The following NRXN3 variants were observed in gnomAD, a reference collection of about 807,000 sequenced individuals.
NRXN3 encodes neurexin III.
A neutral mutation model predicts 137.6 loss-of-function variants in NRXN3; 32 were observed. The ratio of observed to expected loss-of-function variants is 0.23; its 90% confidence interval spans 0.18 to 0.31. The LOEUF is 0.31. NRXN3 is among the 10% of genes least tolerant of loss of function. The pLI is 1.00. For missense variants in NRXN3, 1,574 were observed against 2,062.5 expected (o/e 0.76, Z 4.59); for synonymous variants, 798 against 784.5 (o/e 1.02, Z -0.29).
intron 15 of NRXN3, among the ~76,000 whole-genome samples, chr14:79,385,148 G>A (rs1022313767): frequency 1.3e-5 from 2 of 149,748 alleles, no homozygotes; most frequent in Non-Finnish European, 3.0e-5. Context: ...CCATGCTGGT[G>A]TGCTGCACCC....
At chr14:78,686,629 C>A (rs2098128243) in intron 6 of NRXN3, among the ~76,000 whole-genome samples, 1 of 152,172 alleles carries the variant, frequency 6.6e-6, no homozygotes, top group Non-Finnish European at 1.5e-5. Flanking sequence ...TGTGTGCATG[C>A]TTCCGTGTTT....
chr14:79,739,573 G>A (rs1603457994), intron 19 of NRXN3, among the ~76,000 whole-genome samples: 1 of 149,866 alleles, frequency 6.7e-6, no homozygotes, highest in Admixed American at 6.7e-5. Flanking sequence ...GAACCCAGGA[G>A]GCGGAGGTTG....
At chr14:79,308,314 T>A (rs551501958) in intron 15 of NRXN3, among the ~76,000 whole-genome samples, 4 of 152,260 alleles carry the variant, frequency 2.6e-5, no homozygotes, top group Admixed American at 2.0e-4. Context: ...ATTCTTAACC[T>A]CTCTTTGCCT....
intron 19 of NRXN3, chr14:79,791,383 C>T (rs1018260413): frequency 1.0e-4 from 15 of 149,794 alleles, no homozygotes; most frequent in Non-Finnish European, 2.2e-4. Flanking sequence ...ACAAGAATTC[C>T]GAAGTTTAGA....
intron 8 of NRXN3, among the ~76,000 whole-genome samples, chr14:78,784,015 A>G (rs1250169300): frequency 6.7e-6 from 1 of 149,364 alleles, no homozygotes; most frequent in Non-Finnish European, 1.5e-5. Context: ...AAGAAAAGGT[A>G]TCTGCATTCT....
At chr14:79,497,375 C>G (rs1303407721) in intron 16 of NRXN3, among the ~76,000 whole-genome samples, 1 of 152,118 alleles carries the variant, frequency 6.6e-6, no homozygotes, top group Non-Finnish European at 1.5e-5. Context: ...CTGAGTGTCC[C>G]ATCCCAGATA....
intron 4 of NRXN3, among the ~76,000 whole-genome samples, chr14:78,589,054 A>G (rs1208607405): frequency 6.6e-6 from 1 of 152,176 alleles, no homozygotes; most frequent in Non-Finnish European, 1.5e-5. Flanking sequence ...GCATTCTGAG[A>G]TGGAGGGAAT....
intron 15 of NRXN3, among the ~76,000 whole-genome samples, chr14:79,206,321 A>G (rs1195888891): frequency 1.3e-5 from 2 of 152,326 alleles, no homozygotes; most frequent in Admixed American, 6.5e-5. Context: ...CCCATTCTCT[A>G]GAGGAGAAAA....
At chr14:79,069,749 T>C (rs1248548367) in intron 15 of NRXN3, among the ~76,000 whole-genome samples, 1 of 152,080 alleles carries the variant, frequency 6.6e-6, no homozygotes, top group East Asian at 1.9e-4. Flanking sequence ...ATTACAAAAA[T>C]TTTTATCATC....
chr14:78,534,397 G>A (rs2096509956), intron 4 of NRXN3, among the ~76,000 whole-genome samples: 1 of 152,206 alleles, frequency 6.6e-6, no homozygotes, highest in Non-Finnish European at 1.5e-5. Context: ...CTGAATTTTT[G>A]CATGTGTAAA....
intron 16 of NRXN3, among the ~76,000 whole-genome samples, chr14:79,651,584 C>T (rs1032905232): frequency 2.0e-5 from 3 of 151,870 alleles, no homozygotes; most frequent in Admixed American, 6.6e-5. Flanking sequence ...AATGAATCAA[C>T]ACAAACTGAT....
At chr14:79,687,628 G>C (rs1302977637) in intron 17 of NRXN3, among the ~76,000 whole-genome samples, 1 of 152,118 alleles carries the variant, frequency 6.6e-6, no homozygotes, top group Non-Finnish European at 1.5e-5. Flanking sequence ...AAATGCCTTT[G>C]GCATTCATTT....
intron 1 of NRXN3, among the ~76,000 whole-genome samples, chr14:78,179,562 C>A (rs994133865): frequency 6.6e-6 from 1 of 152,100 alleles, no homozygotes; most frequent in African/African-American, 2.4e-5. Context: ...AGTGGCACCC[C>A]AGGAGGGTCG....
intron 4 of NRXN3, among the ~76,000 whole-genome samples, chr14:78,502,241 C>T (rs1421769894): frequency 2.0e-5 from 3 of 152,202 alleles, no homozygotes; most frequent in African/African-American, 4.8e-5. Context: ...AGCACAGGAA[C>T]ACCCTGCCAT....
At chr14:78,884,100 C>T (rs577358727) in intron 10 of NRXN3, among the ~76,000 whole-genome samples, 4 of 152,196 alleles carry the variant, frequency 2.6e-5, no homozygotes, top group African/African-American at 9.6e-5. Context: ...TTAATCATGG[C>T]ATTGTTACTG....
chr14:79,468,992 A>G (rs539973974), intron 16 of NRXN3, among the ~76,000 whole-genome samples: 26 of 152,340 alleles, frequency 1.7e-4, no homozygotes, highest in Admixed American at 1.3e-3. Flanking sequence ...ACTACACTTT[A>G]TCTTTATTTG....
chr14:78,199,316 C>G (rs77942135), intron 1 of NRXN3, among the ~76,000 whole-genome samples: 5 of 152,088 alleles, frequency 3.3e-5, no homozygotes, highest in South Asian at 4.2e-4. Flanking sequence ...CCTCCCCCCC[C>G]ACACCCAACA....
chr14:78,892,408 G>A (rs1303131618), intron 10 of NRXN3, among the ~76,000 whole-genome samples: 1 of 151,932 alleles, frequency 6.6e-6, no homozygotes, highest in African/African-American at 2.4e-5. Flanking sequence ...CAGATAGGCT[G>A]CCCATGGATG....
Position 78,233,973 on chromosome 14 carries a change from G to T in NRXN3, c.-703-8418G>T, listed in dbSNP as rs192522595. ...CATAATTCCCACATGTCATGGGAGGGACCTAGTGGAAAGTAATTGAATCAT... is the reference window on the plus strand; with the variant it reads ...CATAATTCCCACATGTCATGGGAGGTACCTAGTGGAAAGTAATTGAATCAT... On this transcript the variant is annotated intron_variant, in intron 1 of 20. Transcript: ENST00000335750. 2.0e-4 allele frequency among the ~76,000 whole-genome samples: 30 copies of T among 152,312 alleles called. No individual in the cohort carries two copies. In the East Asian group the frequency reaches 5.8e-3, roughly 29 times the overall value.
Sources: allele counts gnomAD v4.1 joint callset (sites outside exome capture counted in the v4.1 genomes callset), GRCh38; gene constraint gnomAD v4.1.1; transcripts MANE v1.5; gene names NCBI Gene and HGNC (gene_info 2026-07-23, HGNC 2026-07-21).